The following CDON variants were observed in gnomAD, a reference collection of about 807,000 sequenced individuals.
The protein encoded by CDON is cell adhesion associated, oncogene regulated.
In CDON, 73 loss-of-function variants were observed where a neutral mutation model predicts 120.9. The observed-to-expected ratio is 0.60, with a 90% CI of 0.50 to 0.73. CDON has a LOEUF of 0.73. Ranked by LOEUF, CDON falls within the 30% of genes least tolerant of loss-of-function variation. The pLI is 0.00. For missense variants in CDON, 1,470 were observed against 1,587.3 expected (o/e 0.93, Z 1.26); for synonymous variants, 566 against 573.5 (o/e 0.99, Z 0.19).
intron 14 of CDON, among the ~76,000 whole-genome samples, chr11:125,993,117 A>AT (rs2134511763): frequency 6.6e-6 from 1 of 152,254 alleles, no homozygotes; most frequent in African/African-American, 2.4e-5. Flanking sequence ...CCTCTTCCAC[A>AT]TAACAGTCCG....
rs1461520573 is a variant in CDON, at chr11:126,019,535, T to A, written c.496+84A>T. The A allele has an allele frequency of 1.1e-5, 16 of 1,441,672 alleles. No individual in the cohort carries two copies. The East Asian group carries it at 3.2e-4, about 29-fold the overall frequency. 89.3% of individuals were successfully genotyped at this position (1,441,672 alleles called of 1,614,324 possible). A position where few individuals can be genotyped will look rare whatever the true frequency, so the allele number is the denominator to read the frequency against. The stretch of plus-strand genomic sequence containing the variant: ...CATGCCTTCTTGTATCCACAGTTCG[T>A]CCCTAGCACACAGAGCTTAGAAGTA... On this transcript the variant is annotated intron_variant, in intron 4 of 19. Coordinates refer to ENST00000531738, the MANE Select transcript of CDON (RefSeq NM_001378964.1).
At position 125,981,195 on chromosome 11, in the gene CDON, T is replaced by C. The variant is rs374738066; in HGVS notation, c.3130A>G (p.Ser1044Gly). The change falls in exon 17 of 20, where the codon AGT (serine) becomes GGT (glycine). Residue 1044 changes from serine (S) to glycine (G), a missense_variant. Ser to Gly is a moderately conservative substitution (Grantham distance 56, BLOSUM62 0). Transcript: ENST00000531738. ...GGFLTNGGLS[S>G]GYSHLHHKVP... ...TTATGGTGAAGGTGGGAATAGCCAC[T>C]GCTGAGACCGCCATTGGTTAGGAAG... is the stretch of plus-strand genomic sequence containing the variant. 1.2e-5 allele frequency: 19 copies of C among 1,614,090 alleles called. No homozygotes were observed. The highest frequency in any genetic ancestry group is 1.6e-5 in the Non-Finnish European group (19 of 1,180,036).
intron 4 of CDON, among the ~76,000 whole-genome samples, chr11:126,019,014 G>A (rs566574524): frequency 2.2e-4 from 34 of 152,336 alleles, no homozygotes; most frequent in Admixed American, 1.2e-3. Context: ...CATGTTAACG[G>A]TAGTGAATCT....
rs897375542 is a variant in CDON, at chr11:125,969,257, C to T, written c.3357-7259G>A. On this transcript the variant is annotated intron_variant, in intron 18 of 19. Transcript: ENST00000531738. ...AGGTGATCCGCCTGCCTTAGTCTCCCAAAGTGCTGGGATTACAGGCGTGAG... is the reference window on the plus strand; with the variant it reads ...AGGTGATCCGCCTGCCTTAGTCTCCTAAAGTGCTGGGATTACAGGCGTGAG... Among the ~76,000 whole-genome samples the T allele has an allele frequency of 2.0e-5, 3 of 152,308 alleles. No homozygotes were observed. In the South Asian group the frequency reaches 6.2e-4, roughly 32 times the overall value.
Position 125,981,309 on chromosome 11 carries a change from G to C in CDON, c.3016C>G (p.Leu1006Val). 1.2e-6 allele frequency: 2 copies of C among 1,613,714 alleles called. No individual in the cohort carries two copies. Among genetic ancestry groups the C allele is most frequent in the African/African-American group, 2.7e-5 (2 of 74,992 alleles). Reference sequence around the variant, plus strand: ...CCGTTCATATCTGATCCTTGGTAGAGATATCCTGGTGGGTCATATTCTGTT... The same window carrying C: ...CCGTTCATATCTGATCCTTGGTAGACATATCCTGGTGGGTCATATTCTGTT... The part of the protein sequence containing the change: ...TIQKYDPPGY[L>V]YQGSDMNGQM... Residue 1006 changes from leucine (L) to valine (V), a missense_variant, in exon 17 of 20, where the codon CTC (leucine) becomes GTC (valine). Physicochemically the swap from Leu to Val is conservative, Grantham distance 32. Coordinates refer to ENST00000531738, the MANE Select transcript of CDON (RefSeq NM_001378964.1).
chr11:125,972,119 A>G (rs780866627), intron 18 of CDON, among the ~76,000 whole-genome samples: 11 of 152,168 alleles, frequency 7.2e-5, no homozygotes, highest in Non-Finnish European at 1.6e-4. Flanking sequence ...TGAGCTTTAC[A>G]TATTACTCTT....
At chr11:126,031,201 A>G (rs950177200) in intron 1 of CDON, among the ~76,000 whole-genome samples, 2 of 152,228 alleles carry the variant, frequency 1.3e-5, no homozygotes, top group African/African-American at 2.4e-5. Context: ...AAACTCAACC[A>G]TGAATAAAAG....
At chr11:125,976,120 G>A (rs757805830) in intron 18 of CDON, among the ~76,000 whole-genome samples, 18 of 152,064 alleles carry the variant, frequency 1.2e-4, no homozygotes, top group Middle Eastern at 3.4e-3. Flanking sequence ...TCTACCTTTC[G>A]GCATTCACAG....
At chr11:126,052,773 A>C (rs1377938933) in intron 1 of CDON, among the ~76,000 whole-genome samples, 2 of 151,782 alleles carry the variant, frequency 1.3e-5, no homozygotes, top group Non-Finnish European at 2.9e-5. Context: ...CAGTGAGCCA[A>C]GATCACACCA....
chr11:125,980,655 T>C (rs1293844445), intron 17 of CDON, among the ~76,000 whole-genome samples: 1 of 152,332 alleles, frequency 6.6e-6, no homozygotes, highest in Admixed American at 6.5e-5. Flanking sequence ...TCGCCTCCAG[T>C]GCTACCATCT....
chr11:126,045,593 A>AT (rs1310818196), intron 1 of CDON, among the ~76,000 whole-genome samples: 1 of 152,138 alleles, frequency 6.6e-6, no homozygotes, highest in Non-Finnish European at 1.5e-5. Flanking sequence ...CATTTAGTTT[A>AT]TTTTATAAAT....
At chr11:126,001,164 C>T (rs1946932045) in intron 11 of CDON, among the ~76,000 whole-genome samples, 1 of 150,706 alleles carries the variant, frequency 6.6e-6, no homozygotes, top group Admixed American at 6.7e-5. Flanking sequence ...CTTCTCTTAC[C>T]AGAGAAGAAA....
chr11:125,980,005 T>A (rs991082511), intron 17 of CDON, among the ~76,000 whole-genome samples: 1 of 152,180 alleles, frequency 6.6e-6, no homozygotes, highest in African/African-American at 2.4e-5. Context: ...AAATCTTTAA[T>A]AAACTGAAGA....
intron 5 of CDON, 90 bp from the exon 6 acceptor site, chr11:126,017,465 T>C (rs780255603): frequency 5.5e-5 from 70 of 1,262,756 alleles, no homozygotes; most frequent in Non-Finnish European, 7.0e-5. Context: ...CATTTTCCCA[T>C]GTATTCTTTA....
At chr11:125,992,748 T>C (rs924161050) in intron 14 of CDON, among the ~76,000 whole-genome samples, 1 of 152,206 alleles carries the variant, frequency 6.6e-6, no homozygotes, top group Non-Finnish European at 1.5e-5. Flanking sequence ...TTTTAAGAAA[T>C]GTGATACAGC....
chr11:126,019,455 G>T (rs1025352842), intron 4 of CDON, among the ~76,000 whole-genome samples, 164 bp downstream of exon 4: 1 of 152,148 alleles, frequency 6.6e-6, no homozygotes, highest in Non-Finnish European at 1.5e-5. Context: ...AGGCCTCAGG[G>T]TATGGGGCCG....
rs78574218 is a variant in CDON, at chr11:125,980,683, G to C, written c.3276+366C>G. Among the ~76,000 whole-genome samples, 83 of 152,264 alleles carry C rather than the reference G, an allele frequency of 5.5e-4. 1 individual carries two copies. In the East Asian group the frequency reaches 8.5e-3, roughly 16 times the overall value. On this transcript the variant is annotated intron_variant, in intron 17 of 19. Transcript: ENST00000531738. Reference sequence around the variant, plus strand: ...TACCATCTCACTCCCACAATTTCCTGATCTGCCTGACTCTTTTCGGCATTT... The same window carrying C: ...TACCATCTCACTCCCACAATTTCCTCATCTGCCTGACTCTTTTCGGCATTT...
At chr11:125,993,664 C>T (rs148026844) in intron 14 of CDON, among the ~76,000 whole-genome samples, 3 of 152,260 alleles carry the variant, frequency 2.0e-5, no homozygotes, top group Middle Eastern at 3.4e-3. Flanking sequence ...GAGGCAAAAA[C>T]GTCTCAGTGC....
At position 125,984,434 on chromosome 11, in the gene CDON, C is replaced by T. The variant is rs370574540; in HGVS notation, c.2774-341G>A. On this transcript the variant is annotated intron_variant, in intron 15 of 19. Transcript: ENST00000531738. ...CACTTAGGCCGGGCGTGGTGGCTCACGCCTGTAATCCCAGCACTTTGGGAG... is the reference window on the plus strand; with the variant it reads ...CACTTAGGCCGGGCGTGGTGGCTCATGCCTGTAATCCCAGCACTTTGGGAG... 9.2e-5 allele frequency among the ~76,000 whole-genome samples: 14 copies of T among 152,316 alleles called. No individual in the cohort carries two copies. In the East Asian group the frequency reaches 2.1e-3, roughly 23 times the overall value.
Sources: gnomAD v4.1 joint callset for allele counts (sites outside exome capture counted in the v4.1 genomes callset) on GRCh38, gnomAD v4.1.1 for gene constraint, MANE v1.5 for transcripts, NCBI Gene and HGNC (gene_info 2026-07-23, HGNC 2026-07-21) for gene names.